GMDS: variants seen among roughly 807,000 people sequenced by gnomAD.
GMDS encodes the protein GDP-mannose 4,6 dehydratase.
Under a neutral mutation model 49.9 loss-of-function variants are expected in GMDS, and 20 were observed. That is an observed-to-expected ratio of 0.40 (90% CI 0.28 to 0.58). The LOEUF (loss-of-function observed/expected upper bound fraction) is 0.58, where lower values mean the gene tolerates loss of function less well. Ranked by LOEUF, GMDS falls within the 20% of genes least tolerant of loss-of-function variation. GMDS has a pLI of 0.42. For missense variants in GMDS, 362 were observed against 481.4 expected, an observed-to-expected ratio of 0.75 and a Z score of 2.32; for synonymous variants, 177 against 178.6, an observed-to-expected ratio of 0.99 and a Z score of 0.07.
intron 4 of GMDS, among the ~76,000 whole-genome samples, chr6:1,970,925 C>G (rs1416914964): frequency 6.8e-6 from 1 of 146,054 alleles, no homozygotes; most frequent in Non-Finnish European, 1.5e-5. Context: ...TGTAACATAC[C>G]TGCATGTCCT....
intron 7 of GMDS, among the ~76,000 whole-genome samples, chr6:1,864,334 C>A (rs1758339810): frequency 6.6e-6 from 1 of 152,118 alleles, no homozygotes; most frequent in South Asian, 2.1e-4. Context: ...CTTAAAGAAC[C>A]ATGACAAAGG....
At chr6:2,119,102 G>T (rs897378638) in intron 2 of GMDS, among the ~76,000 whole-genome samples, 6 of 152,060 alleles carry the variant, frequency 3.9e-5, no homozygotes, top group African/African-American at 1.2e-4. Flanking sequence ...ATACTAAAAA[G>T]AGTAATTTAA....
chr6:1,875,727 T>A (rs1759010465), intron 7 of GMDS, among the ~76,000 whole-genome samples: 1 of 152,158 alleles, frequency 6.6e-6, no homozygotes, highest in Non-Finnish European at 1.5e-5. Context: ...ATCACATGTT[T>A]AAAAATATGT....
At chr6:1,755,967 A>AC (rs1767923935) in intron 7 of GMDS, among the ~76,000 whole-genome samples, 1 of 152,272 alleles carries the variant, frequency 6.6e-6, no homozygotes, top group South Asian at 2.1e-4. Context: ...ATCAGAGTAA[A>AC]CAGGCAACCT....
chr6:2,052,500 T>C (rs1339906152), intron 4 of GMDS, among the ~76,000 whole-genome samples: 1 of 152,208 alleles, frequency 6.6e-6, no homozygotes, highest in Non-Finnish European at 1.5e-5. Flanking sequence ...GCAAAGAGAA[T>C]ATGGCTCTTT....
At chr6:1,629,295 A>G (rs1181717476) in intron 9 of GMDS, among the ~76,000 whole-genome samples, 1 of 152,182 alleles carries the variant, frequency 6.6e-6, no homozygotes, top group African/African-American at 2.4e-5. Flanking sequence ...AGCGGTAATG[A>G]ACATTTCCCC....
At chr6:2,012,154 A>ATAATG (rs1172724807) in intron 4 of GMDS, among the ~76,000 whole-genome samples, 1 of 152,136 alleles carries the variant, frequency 6.6e-6, no homozygotes, top group East Asian at 1.9e-4. Context: ...CGTGGTGGGT[A>ATAATG]TAATGTACTC....
intron 7 of GMDS, among the ~76,000 whole-genome samples, chr6:1,747,412 C>T (rs1044484190): frequency 5.3e-5 from 8 of 150,558 alleles, no homozygotes; most frequent in South Asian, 4.2e-4. Flanking sequence ...CTTTTTCACC[C>T]TGGTGCTTTT....
chr6:1,964,132 A>G (rs191702132), intron 4 of GMDS, among the ~76,000 whole-genome samples: 2 of 152,342 alleles, frequency 1.3e-5, no homozygotes, highest in East Asian at 1.9e-4. Flanking sequence ...AGATTTGTGG[A>G]TTGCAGATTA....
chr6:1,786,019 A>T (rs1480949420), intron 7 of GMDS, among the ~76,000 whole-genome samples: 1 of 152,232 alleles, frequency 6.6e-6, no homozygotes, highest in Admixed American at 6.5e-5. Context: ...GTTAAATATG[A>T]CAGCGGTAAA....
chr6:1,872,221 CA>C (rs1218733055), intron 7 of GMDS, among the ~76,000 whole-genome samples: 3 of 152,368 alleles, frequency 2.0e-5, no homozygotes, highest in Admixed American at 6.5e-5. Flanking sequence ...CGAGCACATC[CA>C]CCGGGCTGGC....
At chr6:1,652,392 T>TATATAA (rs377027320) in intron 9 of GMDS, among the ~76,000 whole-genome samples, 1 of 6,290 alleles carries the variant, frequency 1.6e-4, no homozygotes, top group African/African-American at 4.1e-4. Context: ...TATATATATA[T>TATATAA]TATATATATA....
chr6:1,640,204 T>G lies in GMDS; in HGVS notation c.988-15664A>C, dbSNP rs1763286071. ...AGGCTCCCCCACATCACTCTTCAGTTCTAGCAATCTGCTGCCCTCCTCATG... is the reference window on the plus strand; with the variant it reads ...AGGCTCCCCCACATCACTCTTCAGTGCTAGCAATCTGCTGCCCTCCTCATG... On this transcript the variant is annotated intron_variant, in intron 9 of 10. Transcript: ENST00000380815. This position sits in a 1 kb window ranked among gnomAD's most constrained non-coding sequence, Gnocchi z 4.0. Among the ~76,000 whole-genome samples, 1 of 152,154 alleles carries G rather than the reference T, an allele frequency of 6.6e-6. No individual in the cohort carries two copies. Among genetic ancestry groups the G allele is most frequent in the Admixed American group, 6.5e-5 (1 of 15,282 alleles).
At chr6:1,770,105 T>C (rs1214849645) in intron 7 of GMDS, among the ~76,000 whole-genome samples, 1 of 152,232 alleles carries the variant, frequency 6.6e-6, no homozygotes, top group Non-Finnish European at 1.5e-5. Flanking sequence ...GTTCTCTGTT[T>C]AATTTTTAAA....
At chr6:1,827,577 T>C (rs1771184993) in intron 7 of GMDS, among the ~76,000 whole-genome samples, 1 of 152,218 alleles carries the variant, frequency 6.6e-6, no homozygotes, top group Non-Finnish European at 1.5e-5. Context: ...GATAAGGCTT[T>C]GATATCATTA....
At chr6:2,038,335 T>A (rs1220191866) in intron 4 of GMDS, among the ~76,000 whole-genome samples, 1 of 152,202 alleles carries the variant, frequency 6.6e-6, no homozygotes, top group Non-Finnish European at 1.5e-5. Context: ...TAAAGTGCTT[T>A]GATAAGCAAA....
At chr6:2,039,639 G>A (rs1047454221) in intron 4 of GMDS, among the ~76,000 whole-genome samples, 5 of 151,540 alleles carry the variant, frequency 3.3e-5, no homozygotes, top group African/African-American at 1.2e-4. Flanking sequence ...CATTACCCTA[G>A]GCTTACATAG....
At chr6:2,044,968 G>A (rs1246040679) in intron 4 of GMDS, among the ~76,000 whole-genome samples, 2 of 151,810 alleles carry the variant, frequency 1.3e-5, no homozygotes, top group Admixed American at 6.6e-5. Flanking sequence ...AAAGCACTCC[G>A]AAAATTAAAT....
chr6:1,726,364 C>T (rs1766586004), intron 9 of GMDS, 52 bp downstream of exon 9: 1 of 1,245,688 alleles, frequency 8.0e-7, no homozygotes. Context: ...GCGCATTTGC[C>T]CAGCCAGCCA....
Sources: allele counts gnomAD v4.1 joint callset (sites outside exome capture counted in the v4.1 genomes callset), GRCh38; gene constraint gnomAD v4.1.1; non-coding constraint Gnocchi (gnomAD v3.1); transcripts MANE v1.5; gene names NCBI Gene and HGNC (gene_info 2026-07-23, HGNC 2026-07-21).